DYRK4: variants seen among roughly 807,000 people sequenced by gnomAD.
The protein encoded by DYRK4 is dual specificity tyrosine phosphorylation regulated kinase 4.
In DYRK4, 64 loss-of-function variants were observed where a neutral mutation model predicts 68.3. That is an observed-to-expected ratio of 0.94 (90% CI 0.77 to 1.15). The LOEUF is 1.15. DYRK4 is among the 50% of genes most tolerant of loss of function. DYRK4 has a pLI of 0.00. For missense variants in DYRK4, 740 were observed against 764.7 expected (o/e 0.97, Z 0.38); for synonymous variants, 274 against 289.9 (o/e 0.95, Z 0.56).
chr12:4,598,272 G>A (rs1945041161), intron 8 of DYRK4, among the ~76,000 whole-genome samples: 3 of 152,200 alleles, frequency 2.0e-5, no homozygotes, highest in Admixed American at 6.5e-5. Context: ...TCTTAGAAAT[G>A]GAAGATGAGG....
chr12:4,609,979 T>C (rs1009231153), intron 12 of DYRK4, 176 bp from the exon 13 acceptor site: 2 of 427,926 alleles, frequency 4.7e-6, no homozygotes, highest in Non-Finnish European at 8.1e-6. Context: ...CCTTGGGTAA[T>C]CTACACATGG....
At chr12:4,564,682 C>A (rs1944659639) in intron 1 of DYRK4, among the ~76,000 whole-genome samples, 1 of 152,208 alleles carries the variant, frequency 6.6e-6, no homozygotes, top group African/African-American at 2.4e-5. Flanking sequence ...TTTGAATCCT[C>A]CATGCTTAGC....
At chr12:4,612,867 G>A in intron 14 of DYRK4, 149 bp downstream of exon 14, 1 of 799,354 alleles carries the variant, frequency 1.3e-6, no homozygotes, top group East Asian at 2.8e-5. Context: ...TTAATATGCT[G>A]TTTAAGCATT....
chr12:4,590,066 C>T (rs997868), intron 3 of DYRK4: 314,366 of 1,069,930 alleles, frequency 0.29, 47,844 homozygotes, highest in East Asian at 0.32. Flanking sequence ...ATTGAGGTTT[C>T]GAGAAAGAGT....
chr12:4,605,729 GTTTTTTTT>G lies in DYRK4; in HGVS notation c.1299+662_1299+669del, dbSNP rs58963826. 1.5e-3 allele frequency among the ~76,000 whole-genome samples: 152 copies of G among 102,108 alleles called. 1 individual carries two copies. Among genetic ancestry groups the G allele is most frequent in the African/African-American group, 4.3e-3 (117 of 27,358 alleles). The allele number at this position is 102,108 out of a possible 152,430, so 67.0% of individuals were successfully genotyped here. A position where few individuals can be genotyped will look rare whatever the true frequency, so the allele number is the denominator to read the frequency against. On this transcript the variant is annotated intron_variant, in intron 11 of 14. Transcript: ENST00000543431. ...CTCTTAGAAAAATGAATAGAGCTGG[GTTTTTTTT>G]TTTTTTTTTTTTTTTTTTCCAAATT... is the stretch of plus-strand genomic sequence containing the variant.
At chr12:4,563,080 G>A (rs1412623453) in intron 1 of DYRK4, 1 of 455,990 alleles carries the variant, frequency 2.2e-6, no homozygotes, top group Non-Finnish European at 4.4e-6. Context: ...CTCGGCAAAA[G>A]CAGGAGGCCA....
intron 2 of DYRK4, among the ~76,000 whole-genome samples, chr12:4,581,953 T>G (rs1944846636): frequency 6.6e-6 from 1 of 152,204 alleles, no homozygotes; most frequent in African/African-American, 2.4e-5. Context: ...CAAAATTCAT[T>G]TATGTTGCAT....
rs1244160993 is a variant in DYRK4 at position 4,562,283 on chromosome 12, A to T, written c.38A>T (p.Lys13Met). 3 of 1,532,052 alleles carry T rather than the reference A, an allele frequency of 2.0e-6. No individual in the cohort carries two copies. Among genetic ancestry groups the T allele is most frequent in the Middle Eastern group, 1.7e-4 (1 of 5,976 alleles). The allele number at this position is 1,532,052 out of a possible 1,614,324, so 94.9% of individuals were successfully genotyped here. A position where few individuals can be genotyped will look rare whatever the true frequency, so the allele number is the denominator to read the frequency against. Residue 13 changes from lysine (K) to methionine (M), a missense_variant and splice_region_variant, in exon 1 of 15, where the codon AAG becomes ATG. Transcript: ENST00000543431. ...CCGCCGCCTATCCGCACCGGAACAAAGTAAGGGCCGCGGAGGCTCGTACTT... is the reference window on the plus strand; with the variant it reads ...CCGCCGCCTATCCGCACCGGAACAATGTAAGGGCCGCGGAGGCTCGTACTT... Reference protein sequence around the residue: ...LLPPPIRTGTKTQMDAKKPRK... With the variant: ...LLPPPIRTGTMTQMDAKKPRK...
chr12:4,563,153 G>A (rs926670017), intron 1 of DYRK4: 6 of 455,942 alleles, frequency 1.3e-5, no homozygotes, highest in South Asian at 3.1e-5. Flanking sequence ...TTGCTTGAGC[G>A]ATTTGATCAC....
Position 4,610,135 on chromosome 12 carries a change from A to T in DYRK4, c.1361-20A>T. The T allele has an allele frequency of 6.4e-7, 1 of 1,562,148 alleles. No individual in the cohort carries two copies. The highest frequency in any genetic ancestry group is 2.3e-5 in the East Asian group (1 of 43,686). On this transcript the variant is annotated intron_variant, in intron 12 of 14. Transcript: ENST00000543431. ...AAGATTTACACCTGAAACTAAATAC[A>T]GAATGTTCTATCTCTACAGATTCCA...
chr12:4,603,829 C>A (rs1462781273), intron 10 of DYRK4, among the ~76,000 whole-genome samples: 2 of 152,200 alleles, frequency 1.3e-5, no homozygotes, highest in Non-Finnish European at 2.9e-5. Flanking sequence ...ATCTTGGCTG[C>A]CAAGATGCTC....
chr12:4,598,886 A>G, intron 8 of DYRK4, 142 bp from the exon 9 acceptor site: 1 of 860,586 alleles, frequency 1.2e-6, no homozygotes, highest in Middle Eastern at 3.6e-4. Flanking sequence ...TGAGTCTATA[A>G]GGGCATGAAA....
chr12:4,571,218 G>A (rs1944727209), intron 2 of DYRK4, among the ~76,000 whole-genome samples: 1 of 152,160 alleles, frequency 6.6e-6, no homozygotes, highest in South Asian at 2.1e-4. Context: ...CGATCTCCCC[G>A]ACAACTACAA....
rs115745671 is a variant in DYRK4 at position 4,610,866 on chromosome 12, G to A, written c.1490+582G>A. On this transcript the variant is annotated intron_variant, in intron 13 of 14. Transcript: ENST00000543431. ...TAGAAATTAGATCTGTACTTAAGTCGTAGTACCCAGCACAGCACCCAGTTT... is the reference window on the plus strand; with the variant it reads ...TAGAAATTAGATCTGTACTTAAGTCATAGTACCCAGCACAGCACCCAGTTT... 7.7e-3 allele frequency among the ~76,000 whole-genome samples: 1,173 copies of A among 152,262 alleles called. 12 individuals carry two copies. Among genetic ancestry groups the A allele is most frequent in the African/African-American group, 0.026 (1,092 of 41,540 alleles).
intron 2 of DYRK4, chr12:4,573,354 A>T (rs1461997785): frequency 1.6e-6 from 2 of 1,289,454 alleles, no homozygotes; most frequent in Non-Finnish European, 2.0e-6. Flanking sequence ...TGAGATCTAC[A>T]TGGTAAGTAC....
At chr12:4,610,527 A>G (rs1197813251) in intron 13 of DYRK4, 3 of 321,736 alleles carry the variant, frequency 9.3e-6, no homozygotes, top group African/African-American at 6.5e-5. Flanking sequence ...GTTGGGGTTC[A>G]AAGAGATTAA....
In DYRK4 at chr12:4,605,063, G is replaced by T. The variant is rs779355419; in HGVS notation, c.1276G>T (p.Glu426Ter). Residue 426 changes from glutamate (E) to a stop codon, truncating the protein, a stop_gained, in exon 11 of 15, where the codon GAG becomes TAG. Transcript: ENST00000543431. LOFTEE classifies it high-confidence loss of function. ...YPLFPGENEV[E>*]QLACIMEVLG... Reference sequence around the variant, plus strand: ...CCTGTTCCCCGGGGAGAATGAGGTGGAGCAGCTGGCCTGCATCATGGAGGT... The same window carrying T: ...CCTGTTCCCCGGGGAGAATGAGGTGTAGCAGCTGGCCTGCATCATGGAGGT... 4.3e-6 allele frequency: 7 copies of T among 1,613,774 alleles called. No individual in the cohort carries two copies. The highest frequency in any genetic ancestry group is 5.1e-6 in the Non-Finnish European group (6 of 1,179,816).
At position 4,604,946 on chromosome 12, in the gene DYRK4, T is replaced by A; in HGVS notation, c.1159T>A (p.Ser387Thr). Residue 387 changes from serine (S) to threonine (T), a missense_variant, in exon 11 of 15, where the codon TCC (serine) becomes ACC (threonine). By Grantham distance (58) the Ser-to-Thr change is moderately conservative. Transcript: ENST00000543431. ...GTACATCCAAAGCCGGTTCTACCGA[T>A]CCCCAGAAGTGATCCTGGGCCACCC... is the stretch of plus-strand genomic sequence containing the variant. ...YTYIQSRFYR[S>T]PEVILGHPYD... 1 of 1,611,358 alleles carries A rather than the reference T, an allele frequency of 6.2e-7. No individual in the cohort carries two copies. The highest frequency in any genetic ancestry group is 8.5e-7 in the Non-Finnish European group (1 of 1,178,752).
intron 2 of DYRK4, among the ~76,000 whole-genome samples, chr12:4,570,392 C>T (rs541498858): frequency 6.6e-6 from 1 of 152,260 alleles, no homozygotes; most frequent in South Asian, 2.1e-4. Context: ...TCTGATGGGT[C>T]TTAAATAAAT....
Sources: allele counts gnomAD v4.1 joint callset (sites outside exome capture counted in the v4.1 genomes callset), GRCh38; gene constraint gnomAD v4.1.1; transcripts MANE v1.5; gene names NCBI Gene and HGNC (gene_info 2026-07-23, HGNC 2026-07-21).